The following SHISA6 variants were observed in gnomAD, a reference collection of about 807,000 sequenced individuals.
SHISA6 encodes the protein protein shisa-6.
In SHISA6, 22 loss-of-function variants were observed where a neutral mutation model predicts 47.9. The ratio of observed to expected loss-of-function variants is 0.46; its 90% CI spans 0.33 to 0.66. SHISA6 has a LOEUF of 0.66. Among genes scored for constraint, SHISA6 ranks in the 30% least tolerant of loss-of-function variants. The pLI is 0.02. For synonymous variants in SHISA6, 388 were observed against 337.8 expected (o/e 1.15, Z -1.63); for missense variants, 680 against 764.6 (o/e 0.89, Z 1.30).
At chr17:11,388,790 T>TATATA (rs1913276181) in intron 3 of SHISA6, among the ~76,000 whole-genome samples, 1 of 50,036 alleles carries the variant, frequency 2.0e-5, no homozygotes, top group East Asian at 7.5e-4. Flanking sequence ...AAACAAAAGT[T>TATATA]TATATATATA....
chr17:11,563,135 G>A lies in SHISA6; in HGVS notation c.*4831G>A, dbSNP rs922377381. ...GCTGGAGAGAAAGGTCTGGAGGTTG[G>A]CCCATAAGGGCATGAAGTTTGTACT... On this transcript the variant is annotated 3_prime_UTR_variant, in exon 6 of 6. Transcript: ENST00000441885. 1 of 152,436 alleles carries A rather than the reference G, an allele frequency of 6.6e-6. No individual in the cohort carries two copies. The allele number at this position is 152,436 out of a possible 1,614,324, so 9.4% of individuals were successfully genotyped here.
intron 2 of SHISA6, among the ~76,000 whole-genome samples, chr17:11,350,182 A>ATTTTTTTTTTTTTTTTTT (rs778331945): frequency 8.6e-5 from 10 of 116,238 alleles, no homozygotes; most frequent in East Asian, 5.4e-4. Context: ...TTATTTATTT[A>ATTTTTTTTTTTTTTTTTT]TTTTTTTTTT....
intron 3 of SHISA6, among the ~76,000 whole-genome samples, chr17:11,492,110 A>G (rs2071367130): frequency 1.3e-5 from 2 of 152,204 alleles, no homozygotes; most frequent in South Asian, 4.2e-4. Flanking sequence ...ATGTGAGCAG[A>G]GTCTTGGGTG....
chr17:11,529,518 C>T (rs1415730894), intron 3 of SHISA6, among the ~76,000 whole-genome samples: 1 of 152,076 alleles, frequency 6.6e-6, no homozygotes, highest in Non-Finnish European at 1.5e-5. Flanking sequence ...AAAAGCGAAA[C>T]CATACAAGAA....
At chr17:11,490,063 A>G (rs1350712114) in intron 3 of SHISA6, among the ~76,000 whole-genome samples, 4 of 152,144 alleles carry the variant, frequency 2.6e-5, no homozygotes, top group African/African-American at 7.2e-5. Flanking sequence ...TCTTTGTCAG[A>G]AAGGTCAGAA....
intron 3 of SHISA6, among the ~76,000 whole-genome samples, chr17:11,426,826 T>C (rs1914623758): frequency 6.6e-6 from 1 of 152,180 alleles, no homozygotes; most frequent in Non-Finnish European, 1.5e-5. Flanking sequence ...AAAGCCTTTC[T>C]CTATCCTTCC....
chr17:11,469,294 G>A (rs566789853), intron 3 of SHISA6, among the ~76,000 whole-genome samples: 88 of 152,224 alleles, frequency 5.8e-4, no homozygotes, highest in Non-Finnish European at 1.1e-3. Context: ...GATGCAAGTC[G>A]GAGAAATAAA....
intron 3 of SHISA6, among the ~76,000 whole-genome samples, chr17:11,411,149 TA>T (rs1466330704): frequency 3.3e-5 from 5 of 151,408 alleles, no homozygotes; most frequent in African/African-American, 1.2e-4. Context: ...TTTGTATTCT[TA>T]GTAGAGACAG....
At chr17:11,276,217 A>G (rs1198825748) in intron 2 of SHISA6, among the ~76,000 whole-genome samples, 1 of 151,924 alleles carries the variant, frequency 6.6e-6, no homozygotes, top group Non-Finnish European at 1.5e-5. Flanking sequence ...ACCTCAAGTG[A>G]TCCGCCCGTC....
At chr17:11,366,080 A>G (rs1392053515) in intron 2 of SHISA6, among the ~76,000 whole-genome samples, 2 of 152,246 alleles carry the variant, frequency 1.3e-5, no homozygotes, top group Non-Finnish European at 2.9e-5. Context: ...AGCCAAGGGA[A>G]AAGTGGTGTG....
intron 1 of SHISA6, among the ~76,000 whole-genome samples, 176 bp from the exon 2 acceptor site, chr17:11,263,189 AC>A (rs1908300918): frequency 1.3e-5 from 2 of 151,856 alleles, no homozygotes; most frequent in African/African-American, 4.8e-5. Context: ...GGTAACCTTT[AC>A]CCTGTGTCCC....
intron 2 of SHISA6, among the ~76,000 whole-genome samples, chr17:11,315,184 G>C (rs1200340627): frequency 6.6e-6 from 1 of 151,984 alleles, no homozygotes; most frequent in Non-Finnish European, 1.5e-5. Flanking sequence ...TACTTCCCTT[G>C]TGTTTATTAC....
chr17:11,335,186 G>A (rs905303242), intron 2 of SHISA6, among the ~76,000 whole-genome samples: 5 of 152,188 alleles, frequency 3.3e-5, no homozygotes, highest in African/African-American at 7.2e-5. Context: ...TAGCCTTGGC[G>A]GTTGCACAGA....
At chr17:11,451,432 A>G (rs1915399927) in intron 3 of SHISA6, among the ~76,000 whole-genome samples, 1 of 152,206 alleles carries the variant, frequency 6.6e-6, no homozygotes, top group Non-Finnish European at 1.5e-5. Flanking sequence ...TGTTCTGTGG[A>G]TACTCTCAAG....
intron 3 of SHISA6, among the ~76,000 whole-genome samples, chr17:11,407,085 T>C (rs930599502): frequency 2.6e-5 from 4 of 152,152 alleles, no homozygotes; most frequent in Non-Finnish European, 4.4e-5. Context: ...TGGACATAAA[T>C]AATAATAGCT....
chr17:11,403,378 G>A (rs542932646), intron 3 of SHISA6, among the ~76,000 whole-genome samples: 1 of 152,288 alleles, frequency 6.6e-6, no homozygotes, highest in East Asian at 1.9e-4. Flanking sequence ...AAAGTGCTGG[G>A]AATCTGATTG....
intron 3 of SHISA6, among the ~76,000 whole-genome samples, chr17:11,508,150 T>G (rs2071515703): frequency 6.6e-6 from 1 of 152,282 alleles, no homozygotes; most frequent in Non-Finnish European, 1.5e-5. Context: ...AGTCAAGGTC[T>G]GATTCAAACT....
intron 2 of SHISA6, among the ~76,000 whole-genome samples, chr17:11,335,685 GA>G (rs1183917150): frequency 2.0e-5 from 3 of 152,056 alleles, no homozygotes; most frequent in African/African-American, 7.3e-5. Context: ...ATTTTCCCAC[GA>G]ATTATCAGGA....
At chr17:11,447,055 CAG>C (rs1272726435) in intron 3 of SHISA6, among the ~76,000 whole-genome samples, 1 of 152,202 alleles carries the variant, frequency 6.6e-6, no homozygotes, top group Non-Finnish European at 1.5e-5. Context: ...TTTCTCAGAG[CAG>C]GCATCTTCTT....
Sources: allele counts gnomAD v4.1 joint callset (sites outside exome capture counted in the v4.1 genomes callset), GRCh38; gene constraint gnomAD v4.1.1; transcripts MANE v1.5; gene names NCBI Gene and HGNC (gene_info 2026-07-23, HGNC 2026-07-21).